Variants in PAPPA2 observed in about 807,000 individuals in gnomAD.
PAPPA2 encodes the protein pappalysin 2, also known as pappalysin-2.
Under a neutral mutation model 176.4 loss-of-function variants are expected in PAPPA2, and 86 were observed. The ratio of observed to expected loss-of-function variants is 0.49; its 90% CI spans 0.41 to 0.58. The LOEUF (loss-of-function observed/expected upper bound fraction) is 0.58, where lower values mean the gene tolerates loss of function less well. PAPPA2 is among the 20% of genes least tolerant of loss of function. The pLI is 0.00. For synonymous variants in PAPPA2, 809 were observed against 852.2 expected (o/e 0.95, Z 0.88); for missense variants, 2,073 against 2,256.9 (o/e 0.92, Z 1.65).
chr1:176,708,692 C>A (rs1447745740), intron 10 of PAPPA2, among the ~76,000 whole-genome samples: 1 of 152,020 alleles, frequency 6.6e-6, no homozygotes, highest in Non-Finnish European at 1.5e-5. Flanking sequence ...TGGCTTATAT[C>A]TGGCAAGTAG....
At chr1:176,658,196 A>G (rs940885664) in intron 3 of PAPPA2, among the ~76,000 whole-genome samples, 3 of 152,024 alleles carry the variant, frequency 2.0e-5, no homozygotes, top group African/African-American at 7.2e-5. Flanking sequence ...GGAAACTGAA[A>G]GGAAATCTAA....
At chr1:176,465,332 G>C (rs1321556966) in intron 1 of PAPPA2, among the ~76,000 whole-genome samples, 4 of 152,170 alleles carry the variant, frequency 2.6e-5, no homozygotes, top group African/African-American at 7.2e-5. Context: ...ATTTCCAGAA[G>C]ACTGCAACAA....
chr1:176,570,921 TC>T (rs1353583252), intron 2 of PAPPA2, among the ~76,000 whole-genome samples: 1 of 152,120 alleles, frequency 6.6e-6, no homozygotes, highest in African/African-American at 2.4e-5. Context: ...TGACCCTGCC[TC>T]CCTACACTGC....
intron 2 of PAPPA2, among the ~76,000 whole-genome samples, chr1:176,593,498 G>A (rs186512137): frequency 6.6e-6 from 1 of 152,304 alleles, no homozygotes; most frequent in South Asian, 2.1e-4. Flanking sequence ...ATTCCTGAGA[G>A]ACTATGTACT....
intron 2 of PAPPA2, among the ~76,000 whole-genome samples, chr1:176,570,095 T>C (rs1418391608): frequency 6.6e-6 from 1 of 152,252 alleles, no homozygotes; most frequent in East Asian, 1.9e-4. Context: ...CTTTTTCTCA[T>C]TCTCATAGAA....
intron 3 of PAPPA2, among the ~76,000 whole-genome samples, chr1:176,644,028 GCA>G (rs1657249032): frequency 6.6e-6 from 1 of 151,842 alleles, no homozygotes; most frequent in African/African-American, 2.4e-5. Flanking sequence ...CTCAACACTT[GCA>G]ACTTTCAAAT....
chr1:176,510,781 A>C (rs1484650955), intron 1 of PAPPA2, among the ~76,000 whole-genome samples: 1 of 150,412 alleles, frequency 6.6e-6, no homozygotes, highest in Non-Finnish European at 1.5e-5. Context: ...ATAAGCTAAA[A>C]TGTATATTTT....
At chr1:176,745,283 T>C (rs1453938619) in intron 14 of PAPPA2, among the ~76,000 whole-genome samples, 1 of 152,230 alleles carries the variant, frequency 6.6e-6, no homozygotes, top group Non-Finnish European at 1.5e-5. Context: ...TGCTGTGACA[T>C]GCTTGGCCAG....
intron 18 of PAPPA2, among the ~76,000 whole-genome samples, chr1:176,790,971 C>A (rs11802545): frequency 0.19 from 28,528 of 152,008 alleles, 2,870 homozygotes; most frequent in Middle Eastern, 0.3. Flanking sequence ...CATTTGCCAC[C>A]AGCAACATTT....
At chr1:176,714,592 C>T (rs1326604562) in intron 12 of PAPPA2, among the ~76,000 whole-genome samples, 2 of 152,166 alleles carry the variant, frequency 1.3e-5, no homozygotes, top group African/African-American at 4.8e-5. Flanking sequence ...CGGAAGAAGC[C>T]ATGACCTACC....
chr1:176,775,491 T>A (rs1156991519), intron 17 of PAPPA2, among the ~76,000 whole-genome samples: 1 of 152,158 alleles, frequency 6.6e-6, no homozygotes, highest in Non-Finnish European at 1.5e-5. Flanking sequence ...CAGTTTCAAT[T>A]TTATTTATTC....
intron 3 of PAPPA2, among the ~76,000 whole-genome samples, chr1:176,613,122 G>A (rs1186646717): frequency 6.6e-6 from 1 of 152,150 alleles, no homozygotes; most frequent in Non-Finnish European, 1.5e-5. Flanking sequence ...TGAGGGAAGT[G>A]GAGATTGTTC....
At chr1:176,639,225 C>G (rs1004805296) in intron 3 of PAPPA2, among the ~76,000 whole-genome samples, 1 of 151,880 alleles carries the variant, frequency 6.6e-6, no homozygotes, top group Non-Finnish European at 1.5e-5. Flanking sequence ...GGTTGACCCC[C>G]CTTTTTGTTC....
intron 4 of PAPPA2, among the ~76,000 whole-genome samples, chr1:176,671,857 A>G (rs1659023166): frequency 6.9e-6 from 1 of 144,688 alleles, no homozygotes; most frequent in Non-Finnish European, 1.5e-5. Flanking sequence ...TGGGAATTGA[A>G]CAATGAGAAC....
At chr1:176,474,388 G>A (rs1219589261) in intron 1 of PAPPA2, among the ~76,000 whole-genome samples, 1 of 152,174 alleles carries the variant, frequency 6.6e-6, no homozygotes, top group Non-Finnish European at 1.5e-5. Context: ...CATCCTTCCC[G>A]TCCATAGCTC....
chr1:176,586,685 T>C (rs1653330351), intron 2 of PAPPA2, among the ~76,000 whole-genome samples: 1 of 152,224 alleles, frequency 6.6e-6, no homozygotes, highest in Non-Finnish European at 1.5e-5. Flanking sequence ...CTTTATCCAG[T>C]CTATCACTGA....
intron 5 of PAPPA2, among the ~76,000 whole-genome samples, chr1:176,691,498 C>T (rs1660120857): frequency 6.6e-6 from 1 of 152,198 alleles, no homozygotes. Context: ...GAGGCAGCAC[C>T]TTTGAAGCGG....
chr1:176,807,789 C>G (rs1665972154), intron 21 of PAPPA2, among the ~76,000 whole-genome samples: 1 of 152,088 alleles, frequency 6.6e-6, no homozygotes, highest in South Asian at 2.1e-4. Context: ...AGCCACCATG[C>G]AAGGCCAAGT....
At chr1:176,476,282 C>T (rs575817768) in intron 1 of PAPPA2, among the ~76,000 whole-genome samples, 5 of 152,274 alleles carry the variant, frequency 3.3e-5, no homozygotes, top group South Asian at 2.1e-4. Flanking sequence ...GTCTGGAATG[C>T]GTGTTCCAGG....
Sources: allele counts gnomAD v4.1 joint callset (sites outside exome capture counted in the v4.1 genomes callset), GRCh38; gene constraint gnomAD v4.1.1; transcripts MANE v1.5; gene names NCBI Gene and HGNC (gene_info 2026-07-23, HGNC 2026-07-21).